NAV2: variants seen among roughly 807,000 people sequenced by gnomAD.
The protein encoded by NAV2 is neuron navigator 2.
In NAV2, 54 loss-of-function variants were observed where a neutral mutation model predicts 223.2. The ratio of observed to expected loss-of-function variants is 0.24; its 90% confidence interval spans 0.19 to 0.30. The LOEUF is 0.30. Ranked by LOEUF, NAV2 falls within the 10% of genes least tolerant of loss-of-function variation. NAV2 has a pLI of 1.00. For synonymous variants in NAV2, 1,279 were observed against 1,239.3 expected, an observed-to-expected ratio of 1.03 and a Z score of -0.67; for missense variants, 2,806 against 3,147.5, an observed-to-expected ratio of 0.89 and a Z score of 2.60.
intron 10 of NAV2, among the ~76,000 whole-genome samples, chr11:19,962,960 A>G (rs1368052310): frequency 2.0e-5 from 3 of 152,156 alleles, no homozygotes; most frequent in Non-Finnish European, 4.4e-5. Context: ...TCTGTTTCGA[A>G]ATTAGAAAGC....
chr11:19,811,210 G>A (rs2058820753), intron 1 of NAV2, among the ~76,000 whole-genome samples: 1 of 152,190 alleles, frequency 6.6e-6, no homozygotes, highest in Admixed American at 6.5e-5. Context: ...CCTTTCTGTT[G>A]TGGAGTTCCT....
At chr11:19,573,164 C>A (rs2045472361) in intron 1 of NAV2, among the ~76,000 whole-genome samples, 1 of 152,226 alleles carries the variant, frequency 6.6e-6, no homozygotes, top group African/African-American at 2.4e-5. Flanking sequence ...ACCCAGACAT[C>A]TGTGTGGCTA....
chr11:19,350,820 A>T (rs1033406844), exon 1 of NAV2: 3 of 800,624 alleles, frequency 3.7e-6, no homozygotes, highest in Non-Finnish European at 4.2e-6. Context: ...ACCTTTGAAG[A>T]GGTGGTGCTG....
chr11:19,479,022 G>A (rs537488319), intron 1 of NAV2, among the ~76,000 whole-genome samples: 1 of 152,276 alleles, frequency 6.6e-6, no homozygotes, highest in South Asian at 2.1e-4. Context: ...CAGAGGTGGG[G>A]TAGATATTTT....
chr11:19,345,919 C>T (rs974817679), upstream of NAV2, among the ~76,000 whole-genome samples: 1 of 152,146 alleles, frequency 6.6e-6, no homozygotes, highest in African/African-American at 2.4e-5. The surrounding 1 kb of genome is among the most constrained non-coding windows in gnomAD (Gnocchi z 5.2). Context: ...CGTCTGGGTC[C>T]CTCTGTGTTT....
intron 1 of NAV2, among the ~76,000 whole-genome samples, chr11:19,660,309 T>C (rs1402688768): frequency 6.6e-6 from 1 of 152,210 alleles, no homozygotes; most frequent in African/African-American, 2.4e-5. Flanking sequence ...AGACAAGGCC[T>C]TGATCTGGGA....
intron 32 of NAV2, among the ~76,000 whole-genome samples, chr11:20,102,446 C>G (rs1054409743): frequency 6.6e-6 from 1 of 152,134 alleles, no homozygotes; most frequent in Non-Finnish European, 1.5e-5. Context: ...TGTGCACTCT[C>G]AGGCCAGGCA....
chr11:19,763,036 C>T (rs1565273933), intron 1 of NAV2, among the ~76,000 whole-genome samples: 2 of 152,202 alleles, frequency 1.3e-5, no homozygotes, highest in Non-Finnish European at 2.9e-5. Flanking sequence ...TGCAATCTTC[C>T]TGCACTTGTC....
intron 1 of NAV2, among the ~76,000 whole-genome samples, chr11:19,813,581 C>T (rs751016180): frequency 2.0e-5 from 3 of 152,052 alleles, no homozygotes; most frequent in Non-Finnish European, 2.9e-5. Context: ...GCCAGAGGGC[C>T]GCCCAGTGGG....
rs1412330686 is a variant in NAV2, at chr11:20,109,180, G to A, written c.6960+1398G>A. Among the ~76,000 whole-genome samples the A allele has an allele frequency of 2.6e-5, 4 of 152,304 alleles. No individual in the cohort carries two copies. The East Asian group carries it at 7.7e-4, about 29-fold the overall frequency. ...CAATGATGGTCTTCAGAGGCATTCA[G>A]GACAAAGGGAGCTTGAAAAGGAAAG... On this transcript the variant is annotated intron_variant, in intron 36 of 37. Coordinates refer to ENST00000349880, the MANE Select transcript of NAV2 (RefSeq NM_145117.5).
At chr11:19,766,399 A>G (rs926543375) in intron 1 of NAV2, among the ~76,000 whole-genome samples, 1 of 152,246 alleles carries the variant, frequency 6.6e-6, no homozygotes, top group African/African-American at 2.4e-5. Context: ...CCAGGCTTTG[A>G]TGTGAGGGGA....
chr11:19,381,805 T>A (rs933506031), intron 1 of NAV2, among the ~76,000 whole-genome samples: 2 of 152,200 alleles, frequency 1.3e-5, no homozygotes, highest in Middle Eastern at 3.2e-3. Flanking sequence ...AAATGGAGGC[T>A]GGAGCCAGAG....
chr11:20,111,073 G>C (rs1303556307), intron 36 of NAV2, among the ~76,000 whole-genome samples: 2 of 152,182 alleles, frequency 1.3e-5, no homozygotes, highest in African/African-American at 4.8e-5. Context: ...CCTCTAGTGA[G>C]CATAAGGTAG....
At chr11:19,918,287 T>C (rs746643243) in intron 6 of NAV2, among the ~76,000 whole-genome samples, 4 of 152,248 alleles carry the variant, frequency 2.6e-5, no homozygotes, top group African/African-American at 4.8e-5. Flanking sequence ...GCCATTTGTC[T>C]CAAACTACTG....
At chr11:19,357,474 T>C (rs1853685354) in intron 1 of NAV2, among the ~76,000 whole-genome samples, 1 of 152,228 alleles carries the variant, frequency 6.6e-6, no homozygotes, top group South Asian at 2.1e-4. Flanking sequence ...AGATATAATG[T>C]ACTTGAAGAT....
chr11:19,691,670 C>G (rs2049179307), intron 1 of NAV2, among the ~76,000 whole-genome samples: 1 of 152,196 alleles, frequency 6.6e-6, no homozygotes, highest in Admixed American at 6.5e-5. Context: ...CAGGTTCACA[C>G]CATTCTCCCG....
intron 6 of NAV2, among the ~76,000 whole-genome samples, chr11:19,908,470 A>G (rs1211478420): frequency 6.6e-6 from 1 of 152,204 alleles, no homozygotes; most frequent in Non-Finnish European, 1.5e-5. Context: ...TTTAATAAAT[A>G]AATGCCTCTA....
chr11:20,091,651 T>C (rs1027355458), intron 27 of NAV2, among the ~76,000 whole-genome samples: 1 of 152,198 alleles, frequency 6.6e-6, no homozygotes. Context: ...GCCTTGCACA[T>C]TGTAGGTTCT....
intron 1 of NAV2, among the ~76,000 whole-genome samples, chr11:19,533,039 T>G (rs1277006046): frequency 6.6e-6 from 1 of 152,136 alleles, no homozygotes. Flanking sequence ...GGTCAGGTTG[T>G]TGTGAGAACG....
Sources: allele counts gnomAD v4.1 joint callset (sites outside exome capture counted in the v4.1 genomes callset), GRCh38; gene constraint gnomAD v4.1.1; non-coding constraint Gnocchi (gnomAD v3.1); transcripts MANE v1.5; gene names NCBI Gene and HGNC (gene_info 2026-07-23, HGNC 2026-07-21).